AKAP12: variants seen among roughly 807,000 people sequenced by gnomAD.
The protein encoded by AKAP12 is A-kinase anchoring protein 12.
AKAP12 carries 32 observed loss-of-function variants against 79.9 expected under a neutral mutation model. The observed-to-expected ratio is 0.40, with a 90% confidence interval of 0.30 to 0.54. The LOEUF is 0.54. AKAP12 is among the 20% of genes least tolerant of loss of function. AKAP12 has a pLI of 0.48. For synonymous variants in AKAP12, 808 were observed against 857.0 expected, an observed-to-expected ratio of 0.94 and a Z score of 1.00; for missense variants, 2,074 against 2,177.0, an observed-to-expected ratio of 0.95 and a Z score of 0.94.
intron 2 of AKAP12, among the ~76,000 whole-genome samples, chr6:151,275,297 G>A (rs1211679015): frequency 1.3e-5 from 2 of 152,084 alleles, no homozygotes; most frequent in East Asian, 1.9e-4. Flanking sequence ...GTTTGCATTC[G>A]AGAGAGGCTG....
intron 4 of AKAP12, among the ~76,000 whole-genome samples, chr6:151,354,113 C>T (rs1323518979): frequency 6.6e-6 from 1 of 151,538 alleles, no homozygotes; most frequent in Non-Finnish European, 1.5e-5. Flanking sequence ...ATAACTAGTG[C>T]TCCAATGGCT....
chr6:151,323,364 AAC>A (rs1221395870), intron 3 of AKAP12, among the ~76,000 whole-genome samples: 2 of 152,210 alleles, frequency 1.3e-5, no homozygotes, highest in African/African-American at 4.8e-5. Context: ...CAGCCTGGCC[AAC>A]ACGGTGAAAC....
At chr6:151,283,096 A>AGG (rs1423361559) in intron 2 of AKAP12, among the ~76,000 whole-genome samples, 2 of 152,208 alleles carry the variant, frequency 1.3e-5, no homozygotes, top group African/African-American at 4.8e-5. Context: ...TTGTATAAGG[A>AGG]GGCTGGGCTC....
chr6:151,240,979 C>T (rs1748855962), intron 2 of AKAP12, among the ~76,000 whole-genome samples: 1 of 152,182 alleles, frequency 6.6e-6, no homozygotes, highest in African/African-American at 2.4e-5. Context: ...CTGCGCCATG[C>T]GCAATAATAA....
intron 2 of AKAP12, among the ~76,000 whole-genome samples, chr6:151,284,869 C>CA (rs1297979006): frequency 5.3e-5 from 8 of 152,142 alleles, no homozygotes; most frequent in Non-Finnish European, 1.2e-4. Flanking sequence ...CATAGGAACC[C>CA]ATCACAGGGA....
intron 3 of AKAP12, among the ~76,000 whole-genome samples, chr6:151,344,131 G>A (rs568859919): frequency 6.6e-6 from 1 of 152,154 alleles, no homozygotes; most frequent in African/African-American, 2.4e-5. Context: ...TTAGGAATGC[G>A]CCTCAGATCA....
At chr6:151,338,872 C>T (rs1232576255) in intron 3 of AKAP12, among the ~76,000 whole-genome samples, 2 of 152,206 alleles carry the variant, frequency 1.3e-5, no homozygotes, top group Non-Finnish European at 2.9e-5. Context: ...AATTTCTCCA[C>T]TGTAGAATTG....
At chr6:151,325,753 C>T in intron 3 of AKAP12, 1 of 1,592,038 alleles carries the variant, frequency 6.3e-7, no homozygotes, top group East Asian at 2.3e-5. Flanking sequence ...TCAGTCCGCT[C>T]TGATCCCGCC....
intron 2 of AKAP12, among the ~76,000 whole-genome samples, chr6:151,291,931 A>T (rs1776632127): frequency 6.6e-6 from 1 of 152,168 alleles, no homozygotes; most frequent in Non-Finnish European, 1.5e-5. Flanking sequence ...TGAATGCTGC[A>T]GCCAGCAGAG....
At chr6:151,337,547 GT>G (rs1431889366) in intron 3 of AKAP12, among the ~76,000 whole-genome samples, 7 of 136,532 alleles carry the variant, frequency 5.1e-5, no homozygotes, top group African/African-American at 2.0e-4. Context: ...AAAGATAACT[GT>G]AAACATACAG....
rs1379662552 is a variant in AKAP12, at chr6:151,323,380, G to T, written c.319+17477G>T. Among the ~76,000 whole-genome samples, 3 of 152,180 alleles carry T rather than the reference G, an allele frequency of 2.0e-5. No individual in the cohort carries two copies. The East Asian group carries it at 5.8e-4, about 29-fold the overall frequency. ...AGCCTGGCCAACACGGTGAAACCCC[G>T]TCTCCACTAAAAATACAAAAATTAG... On this transcript the variant is annotated intron_variant, in intron 3 of 4. Coordinates refer to ENST00000402676, the MANE Select transcript of AKAP12 (RefSeq NM_005100.4).
intron 3 of AKAP12, among the ~76,000 whole-genome samples, chr6:151,343,049 CA>C (rs531769921): frequency 1.1e-3 from 162 of 152,356 alleles, no homozygotes; most frequent in Non-Finnish European, 2.1e-3. Flanking sequence ...AGGTGTGAGC[CA>C]TAGTGCCCGG....
chr6:151,265,107 C>T (rs968659894), intron 2 of AKAP12, among the ~76,000 whole-genome samples: 1 of 150,846 alleles, frequency 6.6e-6, no homozygotes, highest in African/African-American at 2.4e-5. Context: ...GCCAAGATCA[C>T]GCCATTGCAC....
At chr6:151,253,400 T>C (rs1317446081) in intron 2 of AKAP12, among the ~76,000 whole-genome samples, 3 of 152,208 alleles carry the variant, frequency 2.0e-5, no homozygotes, top group East Asian at 3.8e-4. Context: ...TTTTTTTTCT[T>C]TTAAAATAAA....
At chr6:151,305,448 T>A (rs1417842336) in intron 2 of AKAP12, among the ~76,000 whole-genome samples, 1 of 152,178 alleles carries the variant, frequency 6.6e-6, no homozygotes, top group Non-Finnish European at 1.5e-5. Flanking sequence ...ATCTGATTTT[T>A]TCATGGTTAT....
Position 151,350,613 on chromosome 6 carries a change from G to C in AKAP12, c.2222G>C (p.Ser741Thr), listed in dbSNP as rs1254993156. The C allele has an allele frequency of 6.2e-7, 1 of 1,614,082 alleles. No individual in the cohort carries two copies. Among genetic ancestry groups the C allele is most frequent in the Admixed American group, 1.7e-5 (1 of 60,008 alleles). The change falls in exon 4 of 5, where the codon AGT (serine) becomes ACT (threonine). Residue 741 changes from serine (S) to threonine (T), a missense_variant. This residue lies in a region of AKAP12 where 1,428 missense variants were observed against 1,451.0 expected (regional missense o/e 0.98). Transcript: ENST00000402676. The surrounding 1 kb of genome is among the most constrained non-coding windows in gnomAD (Gnocchi z 4.8). ...CAAGAACATGATCCAGGGCAGGGAA[G>C]TTCCTCCCCGGAGCAAGCTGGAAGC... The part of the protein sequence containing the change: ...GSQEHDPGQG[S>T]SSPEQAGSPT...
intron 2 of AKAP12, among the ~76,000 whole-genome samples, chr6:151,271,106 A>C (rs1776170993): frequency 6.6e-6 from 1 of 152,094 alleles, no homozygotes; most frequent in African/African-American, 2.4e-5. Context: ...TTTCCCACCA[A>C]ATATGCCGAA....
chr6:151,352,119 T>C lies in AKAP12; in HGVS notation c.3728T>C (p.Leu1243Pro), dbSNP rs1562755585. The change falls in exon 4 of 5, where the codon CTA becomes CCA. Residue 1243 changes from leucine (L) to proline (P), a missense_variant. By Grantham distance (98) the Leu-to-Pro change is moderately conservative. Coordinates refer to ENST00000402676, the MANE Select transcript of AKAP12 (RefSeq NM_005100.4). The part of the protein sequence containing the change: ...TKEQSKMEDT[L>P]EHTDKEVSVE... ...GAACAATCAAAGATGGAAGACACTC[T>C]AGAGCATACAGATAAAGAGGTGTCA... 6.2e-7 allele frequency: 1 copy of C among 1,614,108 alleles called. No individual in the cohort carries two copies. The highest frequency in any genetic ancestry group is 2.2e-5 in the East Asian group (1 of 44,872).
Position 151,349,074 on chromosome 6 carries a change from A to T in AKAP12, c.683A>T (p.Lys228Ile). 1 of 1,612,398 alleles carries T rather than the reference A, an allele frequency of 6.2e-7. No individual in the cohort carries two copies. Among genetic ancestry groups the T allele is most frequent in the Non-Finnish European group, 8.5e-7 (1 of 1,179,608 alleles). ...PSLGAGEAAS[K>I]ESEPKQSTEK... ...CTTGGGGCTGGAGAAGCAGCATCCA[A>T]AGAAAGCGAACCCAAACAATCTACA... is the stretch of plus-strand genomic sequence containing the variant. The change falls in exon 4 of 5, where the codon AAA becomes ATA. Residue 228 changes from lysine (K) to isoleucine (I), a missense_variant. Around this residue, in one of 3 missense-constraint regions of AKAP12, gnomAD observed 1,428 missense variants for 1,451.0 expected, o/e 0.98. Transcript: ENST00000402676.
Sources: allele counts gnomAD v4.1 joint callset (sites outside exome capture counted in the v4.1 genomes callset), GRCh38; gene constraint gnomAD v4.1.1; regional missense constraint gnomAD v4.1.1; non-coding constraint Gnocchi (gnomAD v3.1); transcripts MANE v1.5; gene names NCBI Gene and HGNC (gene_info 2026-07-23, HGNC 2026-07-21).